The following AUTS2 variants were observed in gnomAD, a reference collection of about 807,000 sequenced individuals.
AUTS2 encodes activator of transcription and developmental regulator AUTS2.
A neutral mutation model predicts 112.4 loss-of-function variants in AUTS2; 17 were observed. The ratio of observed to expected loss-of-function variants is 0.15; its 90% CI spans 0.10 to 0.23. AUTS2 has a LOEUF of 0.23. AUTS2 is among the 10% of genes least tolerant of loss of function. The pLI, the probability that AUTS2 is intolerant of heterozygous loss-of-function variation, is 1.00. For synonymous variants in AUTS2, 751 were observed against 702.7 expected (o/e 1.07, Z -1.09); for missense variants, 1,510 against 1,701.6 (o/e 0.89, Z 1.98).
intron 4 of AUTS2, among the ~76,000 whole-genome samples, chr7:70,137,909 A>G (rs1407045926): frequency 6.6e-6 from 1 of 152,202 alleles, no homozygotes; most frequent in African/African-American, 2.4e-5. Context: ...TAGCTTTCTC[A>G]GGAGCACAGC....
chr7:69,980,866 A>G (rs1261848692), intron 2 of AUTS2, among the ~76,000 whole-genome samples: 3 of 152,208 alleles, frequency 2.0e-5, no homozygotes, highest in Non-Finnish European at 4.4e-5. Flanking sequence ...TTAGAATGGT[A>G]TATTGATTTG....
At chr7:70,359,555 G>T (rs760015668) in intron 4 of AUTS2, among the ~76,000 whole-genome samples, 3 of 152,142 alleles carry the variant, frequency 2.0e-5, no homozygotes, top group Non-Finnish European at 4.4e-5. Context: ...AGTGGACACG[G>T]GTGAAGAAAC....
At chr7:70,420,707 G>T (rs1482274934) in intron 4 of AUTS2, among the ~76,000 whole-genome samples, 1 of 152,158 alleles carries the variant, frequency 6.6e-6, no homozygotes, top group African/African-American at 2.4e-5. Context: ...ATACTGTATG[G>T]TTCCATTTAT....
chr7:69,727,985 C>T (rs1312766550), intron 1 of AUTS2, among the ~76,000 whole-genome samples: 2 of 152,166 alleles, frequency 1.3e-5, no homozygotes, highest in African/African-American at 2.4e-5. Context: ...CTTCTGAGTG[C>T]AGCCAAAATT....
chr7:70,289,271 C>A (rs1173740982), intron 4 of AUTS2, among the ~76,000 whole-genome samples: 1 of 152,200 alleles, frequency 6.6e-6, no homozygotes, highest in Non-Finnish European at 1.5e-5. Flanking sequence ...CAAGGAACAT[C>A]TGAGTGTTAA....
At chr7:69,916,860 T>A (rs1795600132) in intron 2 of AUTS2, among the ~76,000 whole-genome samples, 1 of 152,250 alleles carries the variant, frequency 6.6e-6, no homozygotes. Context: ...GCCTCTAATC[T>A]TGCCACTGTT....
chr7:70,446,895 TGTCTCTATAC>T (rs1394760729), intron 5 of AUTS2, among the ~76,000 whole-genome samples: 1 of 152,182 alleles, frequency 6.6e-6, no homozygotes, highest in Non-Finnish European at 1.5e-5. Flanking sequence ...GGGATGTTTA[TGTCTCTATAC>T]GTCCCGGACT....
At chr7:69,777,330 T>C (rs538249957) in intron 1 of AUTS2, among the ~76,000 whole-genome samples, 13 of 152,330 alleles carry the variant, frequency 8.5e-5, no homozygotes, top group Non-Finnish European at 1.3e-4. Context: ...CTAGTTGTGT[T>C]AATGGAATTG....
chr7:69,841,225 A>G (rs1791966751), intron 1 of AUTS2, among the ~76,000 whole-genome samples: 1 of 152,218 alleles, frequency 6.6e-6, no homozygotes, highest in African/African-American at 2.4e-5. Context: ...TATAAGGAAA[A>G]GAAGTTTAAT....
At chr7:70,435,672 G>A (rs1354686436) in intron 4 of AUTS2, 80 bp from the exon 5 acceptor site, 2 of 1,390,588 alleles carry the variant, frequency 1.4e-6, no homozygotes, top group African/African-American at 1.4e-5. Flanking sequence ...TTTTTGTATG[G>A]GGGTTGGGGG....
rs558818294 is a variant in AUTS2 at position 70,733,878 on chromosome 7, C to T, written c.743-28992C>T. On this transcript the variant is annotated intron_variant, in intron 6 of 18. Transcript: ENST00000342771. ...CTGGGATTACAGGCGTGAGCCACCA[C>T]GCCTGGCCTCTACATTAGTTTTATC... 4.6e-5 allele frequency among the ~76,000 whole-genome samples: 7 copies of T among 152,212 alleles called. No homozygotes were observed. In the East Asian group the frequency reaches 5.9e-4, roughly 13 times the overall value.
intron 11 of AUTS2, among the ~76,000 whole-genome samples, chr7:70,773,134 G>A (rs1474348231): frequency 6.6e-6 from 1 of 152,170 alleles, no homozygotes. Flanking sequence ...ATTGTTAGTT[G>A]TACTGCAGCT....
chr7:70,283,461 A>T (rs538853784), intron 4 of AUTS2, among the ~76,000 whole-genome samples: 1 of 152,226 alleles, frequency 6.6e-6, no homozygotes, highest in South Asian at 2.1e-4. Context: ...TGATGTTAAG[A>T]TGCATTCCAA....
At chr7:70,767,015 A>AT (rs34794536) in intron 9 of AUTS2, among the ~76,000 whole-genome samples, 23,691 of 151,806 alleles carry the variant, frequency 0.16, 2,198 homozygotes, top group East Asian at 0.38. Context: ...CCAGTGAGGA[A>AT]TTTTTTTTTA....
intron 4 of AUTS2, among the ~76,000 whole-genome samples, chr7:70,176,128 G>T (rs1312910156): frequency 6.6e-6 from 1 of 152,092 alleles, no homozygotes; most frequent in Non-Finnish European, 1.5e-5. Context: ...ATGAATTTTT[G>T]CAGGTATTCT....
rs1032282848 is a variant in AUTS2 at position 70,525,599 on chromosome 7, G to A, written c.690+89818G>A. 2.6e-4 allele frequency among the ~76,000 whole-genome samples: 39 copies of A among 152,174 alleles called. 1 individual carries two copies. The highest frequency in any genetic ancestry group is 2.1e-3 in the Admixed American group (32 of 15,274). The stretch of plus-strand genomic sequence containing the variant: ...GGGGAAGTACCCAGGAAAGAGTGAC[G>A]GGTTATGACTGAGCAACATTCAGAG... On this transcript the variant is annotated intron_variant, in intron 5 of 18. Transcript: ENST00000342771.
intron 1 of AUTS2, among the ~76,000 whole-genome samples, chr7:69,724,903 T>C (rs1786434112): frequency 6.6e-6 from 1 of 152,216 alleles, no homozygotes; most frequent in African/African-American, 2.4e-5. Flanking sequence ...TGATTAAGTG[T>C]CTAGCAGTTG....
At chr7:70,344,306 C>A (rs565902595) in intron 4 of AUTS2, among the ~76,000 whole-genome samples, 1 of 152,242 alleles carries the variant, frequency 6.6e-6, no homozygotes, top group Non-Finnish European at 1.5e-5. Context: ...GAAAAAAATA[C>A]GAGGCATGAG....
At chr7:70,612,740 G>T (rs1246923409) in intron 5 of AUTS2, among the ~76,000 whole-genome samples, 1 of 152,062 alleles carries the variant, frequency 6.6e-6, no homozygotes, top group Non-Finnish European at 1.5e-5. Context: ...ATGAGATCAT[G>T]TCATAAGCAG....
Sources: gnomAD v4.1 joint callset for allele counts (sites outside exome capture counted in the v4.1 genomes callset) on GRCh38, gnomAD v4.1.1 for gene constraint, MANE v1.5 for transcripts, NCBI Gene and HGNC (gene_info 2026-07-23, HGNC 2026-07-21) for gene names.